Variants in VTA1 observed in about 807,000 individuals in gnomAD.
VTA1 encodes vacuolar protein sorting-associated protein VTA1 homolog.
Under a neutral mutation model 36.9 loss-of-function variants are expected in VTA1, and 24 were observed. The ratio of observed to expected loss-of-function variants is 0.65; its 90% CI spans 0.47 to 0.91. VTA1 has a LOEUF of 0.91. Ranked by LOEUF, VTA1 falls within the 40% of genes least tolerant of loss-of-function variation. VTA1 has a pLI of 0.00. For missense variants in VTA1, 393 were observed against 377.2 expected (o/e 1.04, Z -0.35); for synonymous variants, 142 against 130.2 (o/e 1.09, Z -0.62).
intron 1 of VTA1, among the ~76,000 whole-genome samples, chr6:142,157,869 G>A (rs1373815485): frequency 1.5e-5 from 2 of 131,392 alleles, no homozygotes; most frequent in African/African-American, 5.4e-5. Flanking sequence ...TACTATTTTG[G>A]GTTTTTTTTT....
chr6:142,183,897 T>A (rs1775292985), intron 4 of VTA1, among the ~76,000 whole-genome samples: 1 of 152,190 alleles, frequency 6.6e-6, no homozygotes, highest in Non-Finnish European at 1.5e-5. Context: ...ACTTAGTTTC[T>A]TAAATTTCAC....
At chr6:142,214,907 T>G (rs181818027) in intron 7 of VTA1, among the ~76,000 whole-genome samples, 15 of 152,344 alleles carry the variant, frequency 9.8e-5, no homozygotes, top group Admixed American at 3.9e-4. Context: ...CCATTACTAC[T>G]GCTTCTAGTA....
intron 7 of VTA1, among the ~76,000 whole-genome samples, chr6:142,212,320 G>T (rs984507325): frequency 2.0e-5 from 3 of 152,168 alleles, no homozygotes; most frequent in African/African-American, 7.2e-5. Flanking sequence ...TAGACAATGG[G>T]ATATTATTCA....
chr6:142,210,064 C>G (rs532083611), intron 7 of VTA1, among the ~76,000 whole-genome samples: 274 of 152,230 alleles, frequency 1.8e-3, no homozygotes, highest in African/African-American at 6.2e-3. Context: ...GCATAAAAAA[C>G]AGACACATGG....
At chr6:142,201,879 T>G (rs1431013435) in intron 6 of VTA1, among the ~76,000 whole-genome samples, 5 of 152,024 alleles carry the variant, frequency 3.3e-5, no homozygotes, top group Non-Finnish European at 7.4e-5. Flanking sequence ...CTCCAAATGC[T>G]GTGTTCTTTC....
intron 4 of VTA1, 80 bp downstream of exon 4, chr6:142,170,501 A>AT (rs2114646245): frequency 1.1e-6 from 1 of 941,634 alleles, no homozygotes; most frequent in East Asian, 2.9e-5. Context: ...TGCATTGTTT[A>AT]TTTACAGCAG....
intron 1 of VTA1, among the ~76,000 whole-genome samples, chr6:142,153,907 C>T (rs1438174155): frequency 6.6e-6 from 1 of 152,090 alleles, no homozygotes; most frequent in Non-Finnish European, 1.5e-5. Context: ...GTACCCTTTA[C>T]CCAATGTCCC....
At chr6:142,216,561 G>A (rs1776007869) in intron 7 of VTA1, among the ~76,000 whole-genome samples, 1 of 152,010 alleles carries the variant, frequency 6.6e-6, no homozygotes, top group Non-Finnish European at 1.5e-5. Context: ...GGTTATGCAT[G>A]TCTGTAAGCT....
chr6:142,154,086 C>T (rs767082947), intron 1 of VTA1, among the ~76,000 whole-genome samples: 25 of 151,976 alleles, frequency 1.6e-4, no homozygotes, highest in Non-Finnish European at 2.9e-5. Flanking sequence ...GTACCCATTA[C>T]CATAGTCAAG....
At position 142,189,388 on chromosome 6, in the gene VTA1, C is replaced by A. The variant is rs1775407298; in HGVS notation, c.412-38C>A. On this transcript the variant is annotated intron_variant, in intron 4 of 7. Transcript: ENST00000367630. ...TAAATGTTTACTTTTTACTTCTTTA[C>A]CATAGTCCAATGTTGATATAAAAAT... The A allele has an allele frequency of 2.7e-6, 4 of 1,490,796 alleles. No homozygotes were observed. The African/African-American group carries it at 5.6e-5, about 21-fold the overall frequency. The allele number at this position is 1,490,796 out of a possible 1,614,324, so 92.3% of individuals were successfully genotyped here.
chr6:142,200,880 A>G (rs1775671348), intron 6 of VTA1, among the ~76,000 whole-genome samples: 2 of 152,070 alleles, frequency 1.3e-5, no homozygotes, highest in African/African-American at 4.8e-5. Flanking sequence ...TACCAGTCAA[A>G]TGATTATCAT....
rs558280953 is a variant in VTA1, at chr6:142,198,383, C to T, written c.521-56C>T. 64 of 1,525,846 alleles carry T rather than the reference C, an allele frequency of 4.2e-5. No individual in the cohort carries two copies. The African/African-American group carries it at 8.0e-4, about 19-fold the overall frequency. 94.5% of individuals were successfully genotyped at this position (1,525,846 alleles called of 1,614,324 possible). A position where few individuals can be genotyped will look rare whatever the true frequency, so the allele number is the denominator to read the frequency against. On this transcript the variant is annotated intron_variant, in intron 5 of 7. Coordinates refer to ENST00000367630, the MANE Select transcript of VTA1 (RefSeq NM_016485.5). Reference sequence around the variant, plus strand: ...CATGTGTATAATGAAATAAGAATACCTAGCACTTGTATTTCAAAATACCTA... The same window carrying T: ...CATGTGTATAATGAAATAAGAATACTTAGCACTTGTATTTCAAAATACCTA...
intron 7 of VTA1, among the ~76,000 whole-genome samples, chr6:142,209,108 C>T (rs1287853186): frequency 3.3e-5 from 5 of 151,884 alleles, no homozygotes; most frequent in African/African-American, 1.2e-4. Flanking sequence ...GATCTTATGC[C>T]TATAAAAACC....
chr6:142,197,130 T>C (rs1219437621), intron 5 of VTA1, among the ~76,000 whole-genome samples: 2 of 152,228 alleles, frequency 1.3e-5, no homozygotes, highest in Non-Finnish European at 2.9e-5. Context: ...TTGGTCATGC[T>C]CTAGTGCCTT....
intron 2 of VTA1, among the ~76,000 whole-genome samples, chr6:142,166,903 G>A (rs1310247461): frequency 2.0e-5 from 3 of 152,164 alleles, no homozygotes; most frequent in African/African-American, 7.2e-5. Context: ...TGGGATTACA[G>A]GCATGAGCCA....
intron 7 of VTA1, among the ~76,000 whole-genome samples, chr6:142,212,963 A>G: frequency 6.6e-6 from 1 of 152,160 alleles, no homozygotes; most frequent in East Asian, 1.9e-4. Context: ...GCCCCTCCCA[A>G]ATCTCATGTC....
chr6:142,186,258 AGTC>A (rs1427332690), intron 4 of VTA1, among the ~76,000 whole-genome samples: 1 of 152,196 alleles, frequency 6.6e-6, no homozygotes, highest in Non-Finnish European at 1.5e-5. Context: ...GCTGGGTAGT[AGTC>A]AGTGAATGGG....
At chr6:142,209,687 T>G (rs189402009) in intron 7 of VTA1, among the ~76,000 whole-genome samples, 1 of 151,708 alleles carries the variant, frequency 6.6e-6, no homozygotes, top group East Asian at 1.9e-4. Flanking sequence ...TAACTAACTA[T>G]AATATTCCAT....
In VTA1 at chr6:142,189,428, T is replaced by C. The variant is rs1775407969; in HGVS notation, c.414T>C (p.Asn138=). ...ITVFGELTDE[N]VKHRKYARWK... ...GATATAAAAATGCTCTCTTTTAGAA[T>C]GTGAAACACAGGAAGTATGCCAGAT... Residue 138 remains asparagine, a splice_region_variant and synonymous_variant, in exon 5 of 8, where the codon AAT becomes AAC. Transcript: ENST00000367630. The C allele has an allele frequency of 1.2e-6, 2 of 1,612,636 alleles. No individual in the cohort carries two copies. The highest frequency in any genetic ancestry group is 8.5e-7 in the Non-Finnish European group (1 of 1,178,944).
Sources: allele counts gnomAD v4.1 joint callset (sites outside exome capture counted in the v4.1 genomes callset), GRCh38; gene constraint gnomAD v4.1.1; transcripts MANE v1.5; gene names NCBI Gene and HGNC (gene_info 2026-07-23, HGNC 2026-07-21).